Variants in PSMA1 observed in about 807,000 individuals in gnomAD.
PSMA1 encodes the protein proteasome subunit alpha type-1.
Under a neutral mutation model 38.4 loss-of-function variants are expected in PSMA1, and 3 were observed. That is an observed-to-expected ratio of 0.08 (90% CI 0.04 to 0.20). The LOEUF (loss-of-function observed/expected upper bound fraction) is 0.20. PSMA1 is among the 10% of genes least tolerant of loss of function. PSMA1 has a pLI of 1.00. For synonymous variants in PSMA1, 101 were observed against 107.1 expected (o/e 0.94, Z 0.35); for missense variants, 227 against 325.3 (o/e 0.70, Z 2.32).
At chr11:14,567,686 T>C (rs535250184) in intron 2 of PSMA1, among the ~76,000 whole-genome samples, 8 of 152,380 alleles carry the variant, frequency 5.3e-5, no homozygotes, top group East Asian at 1.9e-4. Flanking sequence ...CCAGCTGAGA[T>C]TGAACAAAGC....
At chr11:14,621,965 G>A (rs997371105) in intron 1 of PSMA1, among the ~76,000 whole-genome samples, 4 of 152,108 alleles carry the variant, frequency 2.6e-5, no homozygotes, top group African/African-American at 9.7e-5. Context: ...AACCCTATGA[G>A]CTAGGGTCAT....
At chr11:14,631,144 G>GT (rs1169781974) in intron 1 of PSMA1, among the ~76,000 whole-genome samples, 3 of 151,714 alleles carry the variant, frequency 2.0e-5, no homozygotes, top group Non-Finnish European at 2.9e-5. Flanking sequence ...TTTTTGAAGG[G>GT]TTTTTTGTGT....
chr11:14,621,230 ATT>A, intron 1 of PSMA1, among the ~76,000 whole-genome samples: 1 of 152,024 alleles, frequency 6.6e-6, no homozygotes, highest in Non-Finnish European at 1.5e-5. Flanking sequence ...AGTAAAAAGC[ATT>A]TGTCAAAAAT....
At chr11:14,532,938 A>C (rs1851666016) in intron 2 of PSMA1, among the ~76,000 whole-genome samples, 1 of 152,218 alleles carries the variant, frequency 6.6e-6, no homozygotes, top group African/African-American at 2.4e-5. Context: ...CTAAAAAAAG[A>C]CAATATGATA....
At chr11:14,559,379 C>T (rs1851982894) in intron 2 of PSMA1, among the ~76,000 whole-genome samples, 1 of 152,128 alleles carries the variant, frequency 6.6e-6, no homozygotes, top group Non-Finnish European at 1.5e-5. Flanking sequence ...GACTGCTAGC[C>T]AGAGGAATTT....
intron 1 of PSMA1, among the ~76,000 whole-genome samples, chr11:14,641,545 G>A (rs973507655): frequency 6.6e-6 from 1 of 152,158 alleles, no homozygotes; most frequent in Admixed American, 6.5e-5. Context: ...TCTCTCAGGT[G>A]CTAGGTTGGC....
At chr11:14,561,245 T>C (rs1852003988) in intron 2 of PSMA1, among the ~76,000 whole-genome samples, 1 of 152,230 alleles carries the variant, frequency 6.6e-6, no homozygotes, top group Non-Finnish European at 1.5e-5. Flanking sequence ...GGCATTTTCC[T>C]TCACCATGCT....
At chr11:14,538,695 T>C (rs1246467208) in intron 2 of PSMA1, among the ~76,000 whole-genome samples, 1 of 152,242 alleles carries the variant, frequency 6.6e-6, no homozygotes, top group Non-Finnish European at 1.5e-5. Context: ...GTCAGCCAAG[T>C]GGCATCAGAG....
At chr11:14,599,570 C>T (rs760513983) in intron 2 of PSMA1, among the ~76,000 whole-genome samples, 1 of 152,180 alleles carries the variant, frequency 6.6e-6, no homozygotes, top group Admixed American at 6.5e-5. Flanking sequence ...AGTTCTCGTA[C>T]CATGGTTTTC....
intron 7 of PSMA1, among the ~76,000 whole-genome samples, chr11:14,511,241 G>A (rs942324310): frequency 6.6e-6 from 1 of 152,110 alleles, no homozygotes; most frequent in Non-Finnish European, 1.5e-5. Flanking sequence ...TCCAAGTTTT[G>A]TAGAATGTGT....
At chr11:14,624,250 C>T (rs1461238482) in intron 1 of PSMA1, among the ~76,000 whole-genome samples, 1 of 152,194 alleles carries the variant, frequency 6.6e-6, no homozygotes, top group African/African-American at 2.4e-5. Context: ...GAGAGAAGCT[C>T]AGGATTATTC....
chr11:14,578,968 C>T (rs1852250866), intron 2 of PSMA1, among the ~76,000 whole-genome samples: 1 of 152,168 alleles, frequency 6.6e-6, no homozygotes, highest in African/African-American at 2.4e-5. Context: ...TGAATCATCT[C>T]AACATTCTGT....
At chr11:14,601,819 T>C (rs1315803016) in intron 2 of PSMA1, among the ~76,000 whole-genome samples, 12 of 152,214 alleles carry the variant, frequency 7.9e-5, no homozygotes, top group Admixed American at 7.9e-4. Flanking sequence ...TCAATACCTA[T>C]GTACATAACA....
At chr11:14,542,309 T>C (rs557976682) in intron 2 of PSMA1, among the ~76,000 whole-genome samples, 10 of 152,320 alleles carry the variant, frequency 6.6e-5, no homozygotes, top group Admixed American at 5.9e-4. Flanking sequence ...CCTGCTAATT[T>C]TGTACAAACA....
chr11:14,622,778 C>T (rs759519785), intron 1 of PSMA1, among the ~76,000 whole-genome samples: 18 of 152,178 alleles, frequency 1.2e-4, no homozygotes, highest in Non-Finnish European at 2.4e-4. Flanking sequence ...GCAAACAGAG[C>T]TGCCACTTGG....
At chr11:14,516,030 T>C (rs1227591386) in intron 4 of PSMA1, among the ~76,000 whole-genome samples, 1 of 150,956 alleles carries the variant, frequency 6.6e-6, no homozygotes, top group African/African-American at 2.4e-5. Flanking sequence ...GCCAATATGG[T>C]GAAACCTCGT....
intron 1 of PSMA1, among the ~76,000 whole-genome samples, chr11:14,621,547 AG>A (rs1189578726): frequency 1.3e-5 from 2 of 152,206 alleles, no homozygotes; most frequent in African/African-American, 2.4e-5. Flanking sequence ...CTGGGATTAC[AG>A]GCATGAGCCA....
intron 2 of PSMA1, among the ~76,000 whole-genome samples, chr11:14,566,888 C>T (rs892505840): frequency 6.6e-6 from 1 of 152,168 alleles, no homozygotes; most frequent in Non-Finnish European, 1.5e-5. Context: ...GGCTGGGTCT[C>T]GCTCACAGGC....
intron 2 of PSMA1, among the ~76,000 whole-genome samples, chr11:14,573,472 C>A (rs925237644): frequency 4.6e-5 from 7 of 152,248 alleles, no homozygotes; most frequent in Non-Finnish European, 8.8e-5. Context: ...GGCCTTCATG[C>A]TAAAAACTCT....
Sources: allele counts gnomAD v4.1 joint callset (sites outside exome capture counted in the v4.1 genomes callset), GRCh38; gene constraint gnomAD v4.1.1; transcripts MANE v1.5; gene names NCBI Gene and HGNC (gene_info 2026-07-23, HGNC 2026-07-21).